Variants in DRC7 observed in about 807,000 individuals in gnomAD.
DRC7 encodes dynein regulatory complex subunit 7, also known as coiled-coil domain containing 135.
In DRC7, 80 loss-of-function variants were observed where a neutral mutation model predicts 104.4. That is an observed-to-expected ratio of 0.77 (90% confidence interval 0.64 to 0.92). DRC7 has a LOEUF of 0.92. Among genes scored for constraint, DRC7 ranks in the 40% least tolerant of loss-of-function variants. The pLI is 0.00. For missense variants in DRC7, 1,034 were observed against 1,141.1 expected, an observed-to-expected ratio of 0.91 and a Z score of 1.35; for synonymous variants, 405 against 447.3, an observed-to-expected ratio of 0.91 and a Z score of 1.19.
chr16:57,726,625 G>C, intron 14 of DRC7: 1 of 556,914 alleles, frequency 1.8e-6, no homozygotes, highest in Non-Finnish European at 3.2e-6. Context: ...TCACTCTCCC[G>C]GCACAGTCCC....
chr16:57,714,661 C>T, intron 8 of DRC7: 1 of 212,444 alleles, frequency 4.7e-6, no homozygotes, highest in South Asian at 6.0e-5. Flanking sequence ...TACATATGCA[C>T]TGGACAGTGA....
intron 2 of DRC7, among the ~76,000 whole-genome samples, chr16:57,696,990 G>A (rs1322724623): frequency 6.6e-6 from 1 of 152,130 alleles, no homozygotes; most frequent in African/African-American, 2.4e-5. Flanking sequence ...TCAACTTACT[G>A]CAACCTCTGC....
intron 8 of DRC7, among the ~76,000 whole-genome samples, chr16:57,711,164 G>GT (rs1322642207): frequency 6.6e-6 from 1 of 152,216 alleles, no homozygotes; most frequent in African/African-American, 2.4e-5. Context: ...GACTCAAGCT[G>GT]TTTTTGAGTG....
At chr16:57,704,613 T>G (rs2048692853) in intron 6 of DRC7, among the ~76,000 whole-genome samples, 1 of 152,146 alleles carries the variant, frequency 6.6e-6, no homozygotes. Flanking sequence ...CTCGGGCATT[T>G]TTTCTGTCTT....
chr16:57,716,544 A>T (rs2048846004), intron 8 of DRC7, among the ~76,000 whole-genome samples: 1 of 151,602 alleles, frequency 6.6e-6, no homozygotes, highest in Non-Finnish European at 1.5e-5. Context: ...ATATCTATAC[A>T]ATTGGGTTCC....
intron 6 of DRC7, 120 bp from the exon 7 acceptor site, chr16:57,704,756 A>G: frequency 8.7e-7 from 1 of 1,143,208 alleles, no homozygotes; most frequent in Middle Eastern, 2.9e-4. Flanking sequence ...GCCACAGGCT[A>G]CAGGAGTAGC....
intron 17 of DRC7, among the ~76,000 whole-genome samples, chr16:57,729,565 G>A (rs1173271785): frequency 4.9e-5 from 6 of 121,404 alleles, no homozygotes; most frequent in African/African-American, 1.8e-4. Context: ...TGGATGAGTG[G>A]GTGGGTGGAT....
chr16:57,731,016 G>A lies in DRC7; in HGVS notation c.2477G>A (p.Ser826Asn), dbSNP rs775777958. 4.3e-6 allele frequency: 7 copies of A among 1,613,690 alleles called. No homozygotes were observed. Among genetic ancestry groups the A allele is most frequent in the Non-Finnish European group, 5.9e-6 (7 of 1,179,996 alleles). ...CCCGAGGATGAAGACCTGTACCTGA[G>A]TTACTGCTCTCAGGCCATGTTCCGC... ...LTPEDEDLYL[S>N]YCSQAMFRIR... The change falls in exon 18 of 19, where the codon AGT becomes AAT. Residue 826 changes from serine to asparagine, a missense_variant. By Grantham distance (46) the Ser-to-Asn change is conservative. Coordinates refer to ENST00000360716, the MANE Select transcript of DRC7 (RefSeq NM_001289162.2).
Position 57,731,351 on chromosome 16 carries a change from G to A in DRC7, c.*93G>A. The A allele has an allele frequency of 3.1e-6, 3 of 961,676 alleles. No homozygotes were observed. The highest frequency in any genetic ancestry group is 4.8e-6 in the Non-Finnish European group (3 of 619,840). The allele number at this position is 961,676 out of a possible 1,614,324, so 59.6% of individuals were successfully genotyped here. A position where few individuals can be genotyped will look rare whatever the true frequency, so the allele number is the denominator to read the frequency against. On this transcript the variant is annotated 3_prime_UTR_variant, in exon 19 of 19. Coordinates refer to ENST00000360716, the MANE Select transcript of DRC7 (RefSeq NM_001289162.2). The stretch of plus-strand genomic sequence containing the variant: ...TGTTCCCTCTATCCAGCCAATGCCT[G>A]TTTACACAGACACCTGGCCTCACTG...
Position 57,705,044 on chromosome 16 carries a change from C to G in DRC7, c.858+10C>G. The G allele has an allele frequency of 6.2e-7, 1 of 1,610,466 alleles. No homozygotes were observed. The highest frequency in any genetic ancestry group is 8.5e-7 in the Non-Finnish European group (1 of 1,179,262). ...GGAGGAGCGCCTCATGGTGGGTCCT[C>G]AGCCCTGAATCCCCTGGGCTCAGCT... is the stretch of plus-strand genomic sequence containing the variant. On this transcript the variant is annotated intron_variant, in intron 7 of 18. Transcript: ENST00000360716.
chr16:57,699,843 C>A (rs1447488820), intron 4 of DRC7, among the ~76,000 whole-genome samples: 2 of 152,160 alleles, frequency 1.3e-5, no homozygotes, highest in African/African-American at 4.8e-5. Flanking sequence ...GGGTTGAAGG[C>A]GGCAAAACTT....
At chr16:57,712,234 G>A (rs1014687516) in intron 8 of DRC7, among the ~76,000 whole-genome samples, 21 of 152,214 alleles carry the variant, frequency 1.4e-4, no homozygotes, top group African/African-American at 5.1e-4. Context: ...TGCAAAGGCG[G>A]TTTCAAGAGT....
intron 17 of DRC7, among the ~76,000 whole-genome samples, chr16:57,728,953 G>A (rs2148775610): frequency 6.6e-6 from 1 of 150,492 alleles, no homozygotes; most frequent in South Asian, 2.1e-4. Flanking sequence ...TGGATGGGTG[G>A]ATAAATGGAT....
intron 5 of DRC7, 73 bp downstream of exon 5, chr16:57,700,343 C>T: frequency 2.6e-6 from 4 of 1,535,616 alleles, no homozygotes; most frequent in Non-Finnish European, 3.5e-6. Context: ...ACTCACCCAT[C>T]CAAACCCAAA....
chr16:57,724,364 G>T (rs1451299466), intron 12 of DRC7, among the ~76,000 whole-genome samples: 4 of 148,214 alleles, frequency 2.7e-5, no homozygotes, highest in African/African-American at 5.0e-5. Flanking sequence ...CCACTGCTGA[G>T]AATTTATTCT....
chr16:57,704,626 C>G (rs1442041477), intron 6 of DRC7, among the ~76,000 whole-genome samples: 1 of 152,190 alleles, frequency 6.6e-6, no homozygotes, highest in African/African-American at 2.4e-5. Flanking sequence ...TCTGTCTTTA[C>G]TTCTCAGAAA....
Position 57,724,780 on chromosome 16 carries a change from C to T in DRC7, c.1703C>T (p.Pro568Leu), listed in dbSNP as rs2048944798. 6.2e-7 allele frequency: 1 copy of T among 1,613,628 alleles called. No homozygotes were observed. Among genetic ancestry groups the T allele is most frequent in the Non-Finnish European group, 8.5e-7 (1 of 1,180,000 alleles). ...FLSYRHASFG[P>L]RVKKLTLSSA... ...TCCTACCGCCATGCCAGCTTCGGACCCCGAGTCAAGAAGCTCACTCTGAGC... is the reference window on the plus strand; with the variant it reads ...TCCTACCGCCATGCCAGCTTCGGACTCCGAGTCAAGAAGCTCACTCTGAGC... Residue 568 changes from proline to leucine, a missense_variant, in exon 13 of 19, where the codon CCC becomes CTC. Coordinates refer to ENST00000360716, the MANE Select transcript of DRC7 (RefSeq NM_001289162.2).
intron 15 of DRC7, 166 bp downstream of exon 15, chr16:57,727,108 ACAC>A (rs1383295962): frequency 1.2e-5 from 8 of 648,842 alleles, no homozygotes; most frequent in Non-Finnish European, 2.2e-5. Flanking sequence ...CCACTAGCGC[ACAC>A]CACCATGCCT....
chr16:57,721,768 C>T lies in DRC7; in HGVS notation c.1279+29C>T, dbSNP rs367954979. 6.4e-6 allele frequency: 10 copies of T among 1,571,364 alleles called. No individual in the cohort carries two copies. In the African/African-American group the frequency reaches 1.2e-4, roughly 19 times the overall value. On this transcript the variant is annotated intron_variant, in intron 10 of 18. Coordinates refer to ENST00000360716, the MANE Select transcript of DRC7 (RefSeq NM_001289162.2). Reference sequence around the variant, plus strand: ...TTTTCTATTTGTGTATTCACTTATCCTCTCCAGATCCAGTTCCTGGGCCTC... The same window carrying T: ...TTTTCTATTTGTGTATTCACTTATCTTCTCCAGATCCAGTTCCTGGGCCTC...
Sources: allele counts gnomAD v4.1 joint callset (sites outside exome capture counted in the v4.1 genomes callset), GRCh38; gene constraint gnomAD v4.1.1; transcripts MANE v1.5; gene names NCBI Gene and HGNC (gene_info 2026-07-23, HGNC 2026-07-21).